The following RELN variants were observed in gnomAD, a reference collection of about 807,000 sequenced individuals.
RELN encodes the protein reelin.
In RELN, 108 loss-of-function variants were observed where a neutral mutation model predicts 427.6. The observed-to-expected ratio is 0.25, with a 90% CI of 0.22 to 0.30. RELN has a LOEUF of 0.30. RELN is among the 10% of genes least tolerant of loss of function. RELN has a pLI of 1.00. For missense variants in RELN, 3,715 were observed against 4,302.8 expected (o/e 0.86, Z 3.82); for synonymous variants, 1,524 against 1,513.4 (o/e 1.01, Z -0.16).
chr7:103,523,600 C>G, intron 46 of RELN, 69 bp from the exon 47 acceptor site: 1 of 1,491,566 alleles, frequency 6.7e-7, no homozygotes, highest in Admixed American at 1.7e-5. Flanking sequence ...TATGTTTGAA[C>G]AAGTGCATGG....
chr7:103,898,274 CATT>C (rs1050272107), intron 2 of RELN, among the ~76,000 whole-genome samples: 2 of 151,848 alleles, frequency 1.3e-5, no homozygotes, highest in African/African-American at 4.8e-5. Flanking sequence ...TTTGTCCTAC[CATT>C]ATTATTTAAA....
chr7:103,768,250 C>T (rs900988109), intron 4 of RELN, among the ~76,000 whole-genome samples: 2 of 152,194 alleles, frequency 1.3e-5, no homozygotes, highest in Admixed American at 6.5e-5. Context: ...GCCCAGCCAA[C>T]CCCGCACCCC....
intron 1 of RELN, among the ~76,000 whole-genome samples, chr7:103,978,227 C>T (rs1796921114): frequency 6.6e-6 from 1 of 152,106 alleles, no homozygotes; most frequent in South Asian, 2.1e-4. Flanking sequence ...CCCCACCCAC[C>T]CCAATCCCTA....
intron 31 of RELN, among the ~76,000 whole-genome samples, chr7:103,571,392 C>T (rs1830878733): frequency 6.6e-6 from 1 of 152,168 alleles, no homozygotes; most frequent in Non-Finnish European, 1.5e-5. Flanking sequence ...AAGCCTTTTG[C>T]ATTTCTTTCA....
rs1251106007 is a variant in RELN, at chr7:103,566,626, T to A, written c.4722A>T (p.Ala1574=). ...CATGTTGCGGTTGCCACCATCGAAATGCCGTTGCAGGTGTCTTCGCGTCCT... is the reference window on the plus strand; with the variant it reads ...CATGTTGCGGTTGCCACCATCGAAAAGCCGTTGCAGGTGTCTTCGCGTCCT... ...LPQDAKTPAT[A]FRWWQPQHGK... is the part of the protein sequence containing the mutation. The change falls in exon 32 of 65, where the codon GCA becomes GCT. Residue 1574 remains alanine, a synonymous_variant. Transcript: ENST00000428762. 39 of 1,614,048 alleles carry A rather than the reference T, an allele frequency of 2.4e-5. No homozygotes were observed. Among genetic ancestry groups the A allele is most frequent in the Non-Finnish European group, 3.3e-5 (39 of 1,180,024 alleles).
At chr7:103,883,679 C>T (rs1794659293) in intron 2 of RELN, among the ~76,000 whole-genome samples, 1 of 152,162 alleles carries the variant, frequency 6.6e-6, no homozygotes, top group Non-Finnish European at 1.5e-5. Context: ...AACTACCATT[C>T]ACAATTGCTA....
At chr7:103,830,139 GT>G (rs1427821793) in intron 3 of RELN, among the ~76,000 whole-genome samples, 1 of 151,908 alleles carries the variant, frequency 6.6e-6, no homozygotes, top group African/African-American at 2.4e-5. Flanking sequence ...TGCCAAAAAT[GT>G]AAAAAATATC....
chr7:103,844,059 C>G (rs141478284), intron 2 of RELN, among the ~76,000 whole-genome samples: 70 of 152,290 alleles, frequency 4.6e-4, no homozygotes, highest in African/African-American at 1.6e-3. Flanking sequence ...GTGACCTGCT[C>G]TCTTGTGTGT....
At chr7:103,730,063 T>G (rs1323473786) in intron 6 of RELN, among the ~76,000 whole-genome samples, 1 of 152,102 alleles carries the variant, frequency 6.6e-6, no homozygotes, top group African/African-American at 2.4e-5. Flanking sequence ...TGAAGGTTAT[T>G]TGGCCTCCAA....
chr7:103,930,623 C>A (rs910718847), intron 1 of RELN, among the ~76,000 whole-genome samples: 7 of 152,008 alleles, frequency 4.6e-5, no homozygotes, highest in African/African-American at 1.5e-4. Flanking sequence ...CACCACCATG[C>A]CCAGCTAATT....
intron 3 of RELN, among the ~76,000 whole-genome samples, chr7:103,797,718 T>C (rs1792343547): frequency 6.6e-6 from 1 of 152,170 alleles, no homozygotes; most frequent in South Asian, 2.1e-4. Flanking sequence ...AACTCATTTA[T>C]TACATCAATT....
intron 1 of RELN, among the ~76,000 whole-genome samples, chr7:103,919,151 T>C (rs556350999): frequency 6.9e-6 from 1 of 145,084 alleles, no homozygotes; most frequent in Admixed American, 6.9e-5. Flanking sequence ...TTTTTTTTTT[T>C]TTTTTAGAAA....
chr7:103,684,597 G>T (rs920831453), intron 10 of RELN, among the ~76,000 whole-genome samples: 1 of 152,164 alleles, frequency 6.6e-6, no homozygotes, highest in African/African-American at 2.4e-5. Context: ...GGAGTTTCAG[G>T]ATTGGGATTA....
Position 103,535,394 on chromosome 7 carries a change from T to C in RELN, c.7271A>G (p.Tyr2424Cys), listed in dbSNP as rs1181786115. Reference sequence around the variant, plus strand: ...TGACACCAGGATCCGTTGCAGATGATAGCGACTGCATTCCACATTGGTAGG... The same window carrying C: ...TGACACCAGGATCCGTTGCAGATGACAGCGACTGCATTCCACATTGGTAGG... ...CLPTNVECSR[Y>C]HLQRILVSDT... The change falls in exon 46 of 65, where the codon TAT (tyrosine) becomes TGT (cysteine). Residue 2424 changes from tyrosine to cysteine, a missense_variant. Coordinates refer to ENST00000428762, the MANE Select transcript of RELN (RefSeq NM_005045.4). 4 of 1,614,118 alleles carry C rather than the reference T, an allele frequency of 2.5e-6. No individual in the cohort carries two copies. In the South Asian group the frequency reaches 3.3e-5, roughly 13 times the overall value.
intron 9 of RELN, 127 bp downstream of exon 9, chr7:103,700,783 T>C (rs897472334): frequency 1.1e-5 from 8 of 719,752 alleles, no homozygotes; most frequent in Non-Finnish European, 2.0e-5. Flanking sequence ...TCCATAGAAT[T>C]CAACATAATT....
At chr7:103,704,738 T>A (rs1834165110) in intron 8 of RELN, among the ~76,000 whole-genome samples, 2 of 152,224 alleles carry the variant, frequency 1.3e-5, no homozygotes, top group Admixed American at 1.3e-4. Flanking sequence ...TCCCTTCCTA[T>A]TTTTGCTCCC....
intron 2 of RELN, among the ~76,000 whole-genome samples, chr7:103,867,048 A>G (rs1794217141): frequency 6.6e-6 from 1 of 152,136 alleles, no homozygotes. Flanking sequence ...CTAACCAAAA[A>G]TGAGACCTGT....
intron 8 of RELN, among the ~76,000 whole-genome samples, chr7:103,707,472 C>A (rs563336833): frequency 6.6e-6 from 1 of 151,780 alleles, no homozygotes; most frequent in East Asian, 1.9e-4. Context: ...TAACACATTC[C>A]ATGATGGCTT....
intron 2 of RELN, among the ~76,000 whole-genome samples, chr7:103,842,062 ATATTT>A (rs929304683): frequency 6.6e-6 from 1 of 152,202 alleles, no homozygotes; most frequent in African/African-American, 2.4e-5. Flanking sequence ...TGTAAAAGAA[ATATTT>A]TATTATTTCA....
Sources: gnomAD v4.1 joint callset for allele counts (sites outside exome capture counted in the v4.1 genomes callset) on GRCh38, gnomAD v4.1.1 for gene constraint, MANE v1.5 for transcripts, NCBI Gene and HGNC (gene_info 2026-07-23, HGNC 2026-07-21) for gene names.